The following CCNY variants were observed in gnomAD, a reference collection of about 807,000 sequenced individuals.
The protein encoded by CCNY is cyclin Y, also known as cyclin-Y.
CCNY carries 19 observed loss-of-function variants against 42.8 expected under a neutral mutation model. That is an observed-to-expected ratio of 0.44 (90% CI 0.31 to 0.65). CCNY has a LOEUF of 0.65. CCNY is among the 30% of genes least tolerant of loss of function. The pLI, the probability that CCNY is intolerant of heterozygous loss-of-function variation, is 0.07. For synonymous variants in CCNY, 165 were observed against 162.7 expected (o/e 1.01, Z -0.11); for missense variants, 370 against 437.3 (o/e 0.85, Z 1.37).
At chr10:35,475,258 C>A (rs1431597770) in intron 1 of CCNY, among the ~76,000 whole-genome samples, 1 of 152,022 alleles carries the variant, frequency 6.6e-6, no homozygotes. Flanking sequence ...GCAAGGCAGG[C>A]CAACATTCAG....
chr10:35,530,335 A>G lies in CCNY; in HGVS notation c.579+92A>G. 1 of 1,522,054 alleles carries G rather than the reference A, an allele frequency of 6.6e-7. No homozygotes were observed. Among genetic ancestry groups the G allele is most frequent in the Non-Finnish European group, 9.0e-7 (1 of 1,113,108 alleles). 94.3% of individuals were successfully genotyped at this position (1,522,054 alleles called of 1,614,324 possible). ...CAGCGGAGTGAGGTTGGAGCAGGGAATCCTCACCAGGTTACCCTGTGGACA... is the reference window on the plus strand; with the variant it reads ...CAGCGGAGTGAGGTTGGAGCAGGGAGTCCTCACCAGGTTACCCTGTGGACA... On this transcript the variant is annotated intron_variant, in intron 7 of 9. Coordinates refer to ENST00000374704, the MANE Select transcript of CCNY (RefSeq NM_145012.6). The surrounding 1 kb of genome is among the most constrained non-coding windows in gnomAD (Gnocchi z 4.3).
chr10:35,549,190 C>T (rs937063137), intron 7 of CCNY, among the ~76,000 whole-genome samples: 26 of 141,362 alleles, frequency 1.8e-4, no homozygotes, highest in Admixed American at 1.8e-3. Flanking sequence ...TCACCAGTTT[C>T]TCAGGGGCTT....
chr10:35,347,552 C>T, intron 1 of CCNY: 2 of 369,800 alleles, frequency 5.4e-6, no homozygotes, highest in Non-Finnish European at 7.5e-6. Context: ...GTGGATGCTT[C>T]TGTTCTTGGT....
At chr10:35,560,015 A>G (rs990331904) in intron 8 of CCNY, among the ~76,000 whole-genome samples, 6 of 145,768 alleles carry the variant, frequency 4.1e-5, no homozygotes, top group African/African-American at 1.7e-4. Flanking sequence ...AGGAAAGGGG[A>G]TGCCTGTCCT....
At chr10:35,451,234 T>C (rs762806564) in intron 1 of CCNY, among the ~76,000 whole-genome samples, 2 of 152,166 alleles carry the variant, frequency 1.3e-5, no homozygotes, top group Non-Finnish European at 2.9e-5. Flanking sequence ...CTTCCCCCTT[T>C]TTTACAAAAA....
intron 1 of CCNY, among the ~76,000 whole-genome samples, chr10:35,452,770 TAAAA>T (rs35849411): frequency 1.0e-4 from 12 of 115,910 alleles, no homozygotes; most frequent in African/African-American, 2.8e-4. Context: ...TATAGAAAAG[TAAAA>T]AAAAAAAAAA....
At chr10:35,379,911 C>T (rs1012968093) in intron 1 of CCNY, among the ~76,000 whole-genome samples, 1 of 152,172 alleles carries the variant, frequency 6.6e-6, no homozygotes, top group Non-Finnish European at 1.5e-5. Context: ...GGAGGAGAAA[C>T]ATAGCTGTCA....
intron 8 of CCNY, among the ~76,000 whole-genome samples, chr10:35,555,093 A>G (rs910293134): frequency 8.5e-5 from 13 of 152,212 alleles, no homozygotes; most frequent in African/African-American, 3.1e-4. Context: ...ATGTCAGTTG[A>G]ATCCTCTCAG....
upstream of CCNY, among the ~76,000 whole-genome samples, chr10:35,332,136 G>A (rs1045306470): frequency 3.3e-5 from 5 of 152,178 alleles, no homozygotes; most frequent in African/African-American, 1.2e-4. Context: ...AGAGGAGGTC[G>A]GTGACAGGAG....
chr10:35,285,233 C>T (rs1245670776), intron 3 of CCNY, among the ~76,000 whole-genome samples: 3 of 152,024 alleles, frequency 2.0e-5, no homozygotes, highest in Non-Finnish European at 4.4e-5. Context: ...GAGGGTTTTG[C>T]CATGTTGGCC....
At chr10:35,412,860 C>CAAAAAAAAAAAAAAAAAAAAAAAAAAA (rs10558250) in intron 1 of CCNY, among the ~76,000 whole-genome samples, 3 of 34,766 alleles carry the variant, frequency 8.6e-5, no homozygotes. Context: ...GACTCTGTCT[C>CAAAAAAAAAAAAAAAAAAAAAAAAAAA]AAAAAAAAAA....
intron 1 of CCNY, among the ~76,000 whole-genome samples, chr10:35,365,529 T>A (rs892016535): frequency 2.6e-5 from 4 of 152,248 alleles, no homozygotes; most frequent in African/African-American, 9.6e-5. Context: ...TTTATTTGTA[T>A]GTTACCTGCT....
intron 3 of CCNY, among the ~76,000 whole-genome samples, chr10:35,274,834 C>T (rs1352302707): frequency 1.3e-5 from 2 of 151,960 alleles, no homozygotes; most frequent in Admixed American, 6.6e-5. Flanking sequence ...AGTGCTAATG[C>T]GCTGTAGTAA....
At chr10:35,547,638 C>T (rs557090889) in intron 7 of CCNY, among the ~76,000 whole-genome samples, 2 of 152,296 alleles carry the variant, frequency 1.3e-5, no homozygotes, top group South Asian at 2.1e-4. Flanking sequence ...TATGTAGTCC[C>T]GCTGACTTCC....
chr10:35,423,475 C>CAAA (rs1209447381), intron 1 of CCNY, among the ~76,000 whole-genome samples: 35 of 100,150 alleles, frequency 3.5e-4, no homozygotes, highest in African/African-American at 1.1e-3. Flanking sequence ...GACCCTGTCT[C>CAAA]AAAAAAAAAA....
In CCNY at chr10:35,569,221, T is replaced by G; in HGVS notation, c.*51T>G. On this transcript the variant is annotated 3_prime_UTR_variant, in exon 10 of 10. Transcript: ENST00000374704. ...CCATCCCTTAGTTTCTCCTTTAGTT[T>G]GAGAAAAGACAGACTTGGGGTGGGT... 8.9e-7 allele frequency: 1 copy of G among 1,129,738 alleles called. No individual in the cohort carries two copies. The highest frequency in any genetic ancestry group is 1.3e-6 in the Non-Finnish European group (1 of 747,414). 70.0% of individuals were successfully genotyped at this position (1,129,738 alleles called of 1,614,324 possible). A position where few individuals can be genotyped will look rare whatever the true frequency, so the allele number is the denominator to read the frequency against.
intron 1 of CCNY, among the ~76,000 whole-genome samples, chr10:35,374,066 G>A (rs149914200): frequency 6.6e-6 from 1 of 152,178 alleles, no homozygotes; most frequent in Non-Finnish European, 1.5e-5. Context: ...TATAGCAAGA[G>A]GTGCAGCTTA....
intron 7 of CCNY, among the ~76,000 whole-genome samples, chr10:35,545,534 C>T (rs1841094555): frequency 6.6e-6 from 1 of 152,186 alleles, no homozygotes; most frequent in Non-Finnish European, 1.5e-5. Flanking sequence ...GTAAGGGCCC[C>T]AATCATATTG....
At chr10:35,525,880 A>T in intron 4 of CCNY, 84 bp from the exon 5 acceptor site, 1 of 1,176,222 alleles carries the variant, frequency 8.5e-7, no homozygotes, top group Non-Finnish European at 1.2e-6. Flanking sequence ...CTGTTTAAAT[A>T]TTTATGTTCA....
Sources: gnomAD v4.1 joint callset for allele counts (sites outside exome capture counted in the v4.1 genomes callset) on GRCh38, gnomAD v4.1.1 for gene constraint, Gnocchi (gnomAD v3.1) non-coding constraint, MANE v1.5 for transcripts, NCBI Gene and HGNC (gene_info 2026-07-23, HGNC 2026-07-21) for gene names.